MEGF8: variants seen among roughly 807,000 people sequenced by gnomAD.
MEGF8 encodes multiple EGF like domains 8, also known as multiple epidermal growth factor-like domains protein 8.
Under a neutral mutation model 302.9 loss-of-function variants are expected in MEGF8, and 156 were observed. The observed-to-expected ratio is 0.52, with a 90% CI of 0.45 to 0.59. MEGF8 has a LOEUF of 0.59. Ranked by LOEUF, MEGF8 falls within the 20% of genes least tolerant of loss-of-function variation. The pLI is 0.00. For synonymous variants in MEGF8, 1,621 were observed against 1,660.5 expected, an observed-to-expected ratio of 0.98 and a Z score of 0.58; for missense variants, 3,345 against 3,964.5, an observed-to-expected ratio of 0.84 and a Z score of 4.20.
In MEGF8 at chr19:42,369,642, G is replaced by A. The variant is rs372437317; in HGVS notation, c.6753G>A (p.Thr2251=). 65 of 1,612,434 alleles carry A rather than the reference G, an allele frequency of 4.0e-5. No homozygotes were observed. The highest frequency in any genetic ancestry group is 6.7e-5 in the Admixed American group (4 of 59,984). Residue 2251 remains threonine, a synonymous_variant, in exon 38 of 42, where the codon ACG becomes ACA. Transcript: ENST00000251268. The surrounding 1 kb of genome is among the most constrained non-coding windows in gnomAD (Gnocchi z 5.7). The part of the protein sequence containing the change: ...HFGFVGRNCS[T]ECRCNRHSEC... The stretch of plus-strand genomic sequence containing the variant: ...GCTTTGTGGGCCGCAACTGCTCCAC[G>A]GAATGCCGCTGCAACCGCCACAGTG...
intron 35 of MEGF8, among the ~76,000 whole-genome samples, chr19:42,364,052 G>A (rs1568573795): frequency 6.6e-6 from 1 of 152,208 alleles, no homozygotes; most frequent in Non-Finnish European, 1.5e-5. Flanking sequence ...GATGTGGCCA[G>A]GGAGGGCTAG....
chr19:42,369,663 C>G lies in MEGF8; in HGVS notation c.6774C>G (p.His2258Gln). The change falls in exon 38 of 42, where the codon CAC (histidine) becomes CAG (glutamine). Residue 2258 changes from histidine (H) to glutamine (Q), a missense_variant. Coordinates refer to ENST00000251268, the MANE Select transcript of MEGF8 (RefSeq NM_001271938.2). This position sits in a 1 kb window ranked among gnomAD's most constrained non-coding sequence, Gnocchi z 5.7. The stretch of plus-strand genomic sequence containing the variant: ...CCACGGAATGCCGCTGCAACCGCCA[C>G]AGTGAATGCGCTGGTGTTGGGGCGC... ...NCSTECRCNR[H>Q]SECAGVGARD... The G allele has an allele frequency of 6.2e-7, 1 of 1,613,008 alleles. No individual in the cohort carries two copies.
chr19:42,348,496 G>C (rs1381836068), intron 13 of MEGF8, 24 bp downstream of exon 13: 16 of 1,495,978 alleles, frequency 1.1e-5, no homozygotes, highest in Non-Finnish European at 1.4e-5. Context: ...GGACATTCAG[G>C]GGGTTGTTTA....
At position 42,325,991 on chromosome 19, in the gene MEGF8, G is replaced by A; in HGVS notation, c.-253G>A. 3 of 470,586 alleles carry A rather than the reference G, an allele frequency of 6.4e-6. No homozygotes were observed. Among genetic ancestry groups the A allele is most frequent in the Non-Finnish European group, 1.1e-5 (3 of 282,394 alleles). 29.2% of individuals were successfully genotyped at this position (470,586 alleles called of 1,614,324 possible). ...ATAGGGGACTCCTACGGTCCCTAGGGTTCGGCCCCGTCCATAATGACTCCA... is the reference window on the plus strand; with the variant it reads ...ATAGGGGACTCCTACGGTCCCTAGGATTCGGCCCCGTCCATAATGACTCCA... On this transcript the variant is annotated 5_prime_UTR_variant, in exon 1 of 42. Coordinates refer to ENST00000251268, the MANE Select transcript of MEGF8 (RefSeq NM_001271938.2).
chr19:42,339,886 A>G (rs980043864), intron 8 of MEGF8, among the ~76,000 whole-genome samples: 4 of 152,142 alleles, frequency 2.6e-5, no homozygotes, highest in Admixed American at 2.6e-4. Context: ...GTAAAACCCC[A>G]TCTCTACTAA....
At chr19:42,347,208 T>C (rs1039286585) in intron 12 of MEGF8, among the ~76,000 whole-genome samples, 1 of 152,022 alleles carries the variant, frequency 6.6e-6, no homozygotes, top group Non-Finnish European at 1.5e-5. Flanking sequence ...TGACATCATA[T>C]CATTTTTCTT....
In MEGF8 at chr19:42,356,966, AT is replaced by A; in HGVS notation, c.4816del (p.Trp1606GlyfsTer124). The part of the protein sequence containing the change: ...FWVLNLTTLQ[W>X]RQEKAPQTVE... ...GGGTCCTCAACCTCACCACCCTGCA[AT>A]GGCGGCAGGAGAAGGTGAGCATCTC... On this transcript the variant is annotated frameshift_variant, in exon 27 of 42. Coordinates refer to ENST00000251268, the MANE Select transcript of MEGF8 (RefSeq NM_001271938.2). LOFTEE classifies it high-confidence loss of function. The surrounding 1 kb of genome is among the most constrained non-coding windows in gnomAD (Gnocchi z 5.2). The A allele has an allele frequency of 6.2e-7, 1 of 1,604,212 alleles. No homozygotes were observed. The highest frequency in any genetic ancestry group is 8.5e-7 in the Non-Finnish European group (1 of 1,175,764).
Position 42,357,715 on chromosome 19 carries a change from C to G in MEGF8, c.5011+131C>G. On this transcript the variant is annotated intron_variant, in intron 28 of 41. Transcript: ENST00000251268. This position sits in a 1 kb window ranked among gnomAD's most constrained non-coding sequence, Gnocchi z 5.2. ...TCTCTTTCCCATCCCCATGCAGATT[C>G]TCAGGGCACCCTCTTGAATGTTCAG... 1.2e-6 allele frequency: 1 copy of G among 823,278 alleles called. No homozygotes were observed. The highest frequency in any genetic ancestry group is 2.7e-5 in the East Asian group (1 of 37,266). The allele number at this position is 823,278 out of a possible 1,614,324, so 51.0% of individuals were successfully genotyped here. A position where few individuals can be genotyped will look rare whatever the true frequency, so the allele number is the denominator to read the frequency against.
chr19:42,353,636 A>G lies in MEGF8; in HGVS notation c.3722A>G (p.His1241Arg), dbSNP rs2039408627. The change falls in exon 21 of 42, where the codon CAC becomes CGC. Residue 1241 changes from histidine (H) to arginine (R), a missense_variant. Physicochemically the swap from His to Arg is conservative, Grantham distance 29. Transcript: ENST00000251268. This position sits in a 1 kb window ranked among gnomAD's most constrained non-coding sequence, Gnocchi z 6.1. ...TGCCAGGACCACACCGAGGGTGCCC[A>G]CTGCCAGCTCTGCTCCCCAGGCTAT... ...CFCQDHTEGAHCQLCSPGYYG... is the reference protein window; with the variant it reads ...CFCQDHTEGARCQLCSPGYYG... 2.5e-6 allele frequency: 4 copies of G among 1,581,780 alleles called. No individual in the cohort carries two copies. Among genetic ancestry groups the G allele is most frequent in the Admixed American group, 3.6e-5 (2 of 55,952 alleles).
chr19:42,353,212 G>A lies in MEGF8; in HGVS notation c.3550+85G>A. The stretch of plus-strand genomic sequence containing the variant: ...CTCCAGTTTGCTCTTCTTGGAGGGG[G>A]CCTCAGTGTCCTCTCATGCAGCTCT... On this transcript the variant is annotated intron_variant, in intron 20 of 41. Transcript: ENST00000251268. This position sits in a 1 kb window ranked among gnomAD's most constrained non-coding sequence, Gnocchi z 6.1. 7.7e-7 allele frequency: 1 copy of A among 1,302,052 alleles called. No homozygotes were observed. The highest frequency in any genetic ancestry group is 1.0e-6 in the Non-Finnish European group (1 of 961,598). The allele number at this position is 1,302,052 out of a possible 1,614,324, so 80.7% of individuals were successfully genotyped here.
Position 42,356,901 on chromosome 19 carries a change from C to T in MEGF8, c.4750C>T (p.Leu1584=). 6.2e-7 allele frequency: 1 copy of T among 1,609,324 alleles called. No homozygotes were observed. Among genetic ancestry groups the T allele is most frequent in the Non-Finnish European group, 8.5e-7 (1 of 1,178,146 alleles). ...CGCTGGCCGTGGTGCCATGTATCTG[C>T]TGGGGGGACTTACCGCTGGAGGCGT... ...VPAGRGAMYL[L]GGLTAGGVTR... is the part of the protein sequence containing the mutation. Residue 1584 remains leucine (L), a synonymous_variant, in exon 27 of 42, where the codon CTG becomes TTG. Transcript: ENST00000251268. The surrounding 1 kb of genome is among the most constrained non-coding windows in gnomAD (Gnocchi z 5.2).
intron 35 of MEGF8, among the ~76,000 whole-genome samples, chr19:42,366,490 C>T (rs868105917): frequency 1.3e-5 from 2 of 152,214 alleles, no homozygotes; most frequent in African/African-American, 2.4e-5. Context: ...TGAGCCACCA[C>T]GCCTGGCCCA....
chr19:42,353,092 G>A lies in MEGF8; in HGVS notation c.3515G>A (p.Arg1172His), dbSNP rs1405403853. 1.4e-5 allele frequency: 21 copies of A among 1,548,656 alleles called. No individual in the cohort carries two copies. Among genetic ancestry groups the A allele is most frequent in the East Asian group, 4.9e-5 (2 of 40,896 alleles). The stretch of plus-strand genomic sequence containing the variant: ...GGCTGCAGCTTCCACAGCCACTGCC[G>A]CAAGCGGGGCCCTGGCTTCTGCGAC... ...DCGCSFHSHC[R>H]KRGPGFCDEC... Residue 1172 changes from arginine to histidine, a missense_variant, in exon 20 of 42, where the codon CGC becomes CAC. Physicochemically the swap from Arg to His is conservative, Grantham distance 29 (BLOSUM62 0). Transcript: ENST00000251268. The surrounding 1 kb of genome is among the most constrained non-coding windows in gnomAD (Gnocchi z 6.1).
Position 42,351,370 on chromosome 19 carries a change from A to G in MEGF8, c.2855+36A>G. On this transcript the variant is annotated intron_variant, in intron 16 of 41. Coordinates refer to ENST00000251268, the MANE Select transcript of MEGF8 (RefSeq NM_001271938.2). This position sits in a 1 kb window ranked among gnomAD's most constrained non-coding sequence, Gnocchi z 5.6. The stretch of plus-strand genomic sequence containing the variant: ...CTGGGTGCAGGGAGTGGGTGGGTGG[A>G]TGTGCCTGGGGATGTGTGCTGGCTG... 1 of 1,569,406 alleles carries G rather than the reference A, an allele frequency of 6.4e-7. No individual in the cohort carries two copies. Among genetic ancestry groups the G allele is most frequent in the Non-Finnish European group, 8.6e-7 (1 of 1,157,148 alleles).
At chr19:42,370,579 G>A (rs1470409776) in intron 39 of MEGF8, 122 bp from the exon 40 acceptor site, 2 of 1,155,296 alleles carry the variant, frequency 1.7e-6, no homozygotes, top group African/African-American at 1.6e-5. Context: ...GAGGGAGGAG[G>A]GGGTGGGAGC....
In MEGF8 at chr19:42,369,054, T is replaced by C; in HGVS notation, c.6641+52T>C. 11 of 1,596,368 alleles carry C rather than the reference T, an allele frequency of 6.9e-6. No homozygotes were observed. Among genetic ancestry groups the C allele is most frequent in the Non-Finnish European group, 9.4e-6 (11 of 1,174,500 alleles). On this transcript the variant is annotated intron_variant, in intron 37 of 41. Coordinates refer to ENST00000251268, the MANE Select transcript of MEGF8 (RefSeq NM_001271938.2). This position sits in a 1 kb window ranked among gnomAD's most constrained non-coding sequence, Gnocchi z 5.7. ...AGGCAGGCTAGGGTGGGAGAGTCTG[T>C]GGGGAGCAGTAATGGATGAGGCCTA...
chr19:42,351,438 C>A lies in MEGF8; in HGVS notation c.2865C>A (p.Thr955=), dbSNP rs1350016649. The stretch of plus-strand genomic sequence containing the variant: ...CTGCTCCCCACCCCAGGCGACTGAC[C>A]TGTGAGGACTGCCTGGCCAACTCTA... ...ECPPLCSQRL[T]CEDCLANSSQ... The change falls in exon 17 of 42, where the codon ACC becomes ACA. Residue 955 remains threonine, a synonymous_variant. Coordinates refer to ENST00000251268, the MANE Select transcript of MEGF8 (RefSeq NM_001271938.2). This position sits in a 1 kb window ranked among gnomAD's most constrained non-coding sequence, Gnocchi z 5.6. The A allele has an allele frequency of 5.6e-6, 9 of 1,596,114 alleles. No individual in the cohort carries two copies.
Position 42,376,927 on chromosome 19 carries a change from C to A in MEGF8, c.*152C>A. ...TTGCCCAGATGGGGCCTCCTTTGTT[C>A]TGCATTCAGCAGCTATTTATCGAGT... On this transcript the variant is annotated 3_prime_UTR_variant, in exon 42 of 42. Transcript: ENST00000251268. This position sits in a 1 kb window ranked among gnomAD's most constrained non-coding sequence, Gnocchi z 8.2. 1.4e-6 allele frequency: 1 copy of A among 738,218 alleles called. No individual in the cohort carries two copies. Among genetic ancestry groups the A allele is most frequent in the Non-Finnish European group, 2.0e-6 (1 of 504,520 alleles). 45.7% of individuals were successfully genotyped at this position (738,218 alleles called of 1,614,324 possible).
chr19:42,350,692 G>A (rs1028265616), intron 15 of MEGF8, among the ~76,000 whole-genome samples: 2 of 152,228 alleles, frequency 1.3e-5, no homozygotes, highest in African/African-American at 4.8e-5. Flanking sequence ...ATGTCAGGCA[G>A]CCCTCGACAC....
Sources: allele counts gnomAD v4.1 joint callset (sites outside exome capture counted in the v4.1 genomes callset), GRCh38; gene constraint gnomAD v4.1.1; non-coding constraint Gnocchi (gnomAD v3.1); transcripts MANE v1.5; gene names NCBI Gene and HGNC (gene_info 2026-07-23, HGNC 2026-07-21).